The following TNFSF10 variants were observed in gnomAD, a reference collection of about 807,000 sequenced individuals.
The protein encoded by TNFSF10 is tumor necrosis factor ligand superfamily member 10.
TNFSF10 carries 13 observed loss-of-function variants against 29.5 expected under a neutral mutation model. The ratio of observed to expected loss-of-function variants is 0.44; its 90% CI spans 0.29 to 0.70. The LOEUF is 0.70. TNFSF10 is among the 30% of genes least tolerant of loss of function. The probability of loss-of-function intolerance (pLI) is 0.13; values close to 1 mark genes in which losing one functional copy is unlikely to be tolerated. For missense variants in TNFSF10, 345 were observed against 330.9 expected, an observed-to-expected ratio of 1.04 and a Z score of -0.33; for synonymous variants, 111 against 112.8, an observed-to-expected ratio of 0.98 and a Z score of 0.10.
chr3:172,516,787 A>T (rs1713455460), intron 1 of TNFSF10, among the ~76,000 whole-genome samples: 1 of 152,194 alleles, frequency 6.6e-6, no homozygotes, highest in Non-Finnish European at 1.5e-5. Context: ...GGGAGATGCA[A>T]AACCTTTCCA....
Position 172,506,443 on chromosome 3 carries a change from GAA to G in TNFSF10, c.*47_*48del. On this transcript the variant is annotated 3_prime_UTR_variant, in exon 5 of 5. Transcript: ENST00000241261. ...AAACATCTTCATAGTGTATCATCCTGAAAACTGAATAGTCACTTTGAGGTTAT... is the reference window on the plus strand; with the variant it reads ...AAACATCTTCATAGTGTATCATCCTGAACTGAATAGTCACTTTGAGGTTAT... 2 of 1,532,584 alleles carry G rather than the reference GAA, an allele frequency of 1.3e-6. No homozygotes were observed. Among genetic ancestry groups the G allele is most frequent in the Non-Finnish European group, 1.7e-6 (2 of 1,143,212 alleles). 94.9% of individuals were successfully genotyped at this position (1,532,584 alleles called of 1,614,324 possible).
chr3:172,522,278 T>C, intron 1 of TNFSF10: 1 of 696,174 alleles, frequency 1.4e-6, no homozygotes, highest in Non-Finnish European at 2.7e-6. Flanking sequence ...ATGTGAGTTA[T>C]GAATCTGAAC....
rs565833670 is a variant in TNFSF10, at chr3:172,511,790, G to A, written c.271-131C>T. ...GCATTATCAATCTGGGAAGTTTTAA[G>A]TTGGTCAAGCATAGGGTCTGTAAGG... On this transcript the variant is annotated intron_variant, in intron 2 of 4. Coordinates refer to ENST00000241261, the MANE Select transcript of TNFSF10 (RefSeq NM_003810.4). 7 of 715,034 alleles carry A rather than the reference G, an allele frequency of 9.8e-6. No homozygotes were observed. In the African/African-American group the frequency reaches 1.1e-4, roughly 11 times the overall value. The allele number at this position is 715,034 out of a possible 1,614,324, so 44.3% of individuals were successfully genotyped here.
chr3:172,514,973 C>T lies in TNFSF10; in HGVS notation c.158G>A (p.Gly53Asp). Residue 53 changes from glycine to aspartate, a missense_variant, in exon 2 of 5, where the codon GGC becomes GAC. Gly to Asp is a moderately conservative substitution (Grantham distance 94). Transcript: ENST00000241261. ...ATCTTCTTTTAAGAAACAAGCAATG[C>T]CACTTTTGGAGTACTTGTCCTGCAT... ...KQMQDKYSKS[G>D]IACFLKEDDS... 1 of 1,614,072 alleles carries T rather than the reference C, an allele frequency of 6.2e-7. No individual in the cohort carries two copies. Among genetic ancestry groups the T allele is most frequent in the Non-Finnish European group, 8.5e-7 (1 of 1,179,994 alleles).
chr3:172,519,783 C>T (rs1713600889), intron 1 of TNFSF10, among the ~76,000 whole-genome samples: 1 of 152,230 alleles, frequency 6.6e-6, no homozygotes, highest in Non-Finnish European at 1.5e-5. Context: ...AACTACATTT[C>T]CCTAGCAAAT....
chr3:172,509,181 T>C (rs1713118228), intron 4 of TNFSF10, 36 bp downstream of exon 4: 1 of 1,550,482 alleles, frequency 6.4e-7, no homozygotes, highest in South Asian at 1.2e-5. Flanking sequence ...CCTTCCATTA[T>C]TTTCCCTTAA....
rs1300501353 is a variant in TNFSF10, at chr3:172,509,305, A to C, written c.330T>G (p.Ile110Met). The change falls in exon 4 of 5, where the codon ATT (isoleucine) becomes ATG (methionine). Residue 110 changes from isoleucine (I) to methionine (M), a missense_variant. Ile to Met is a conservative substitution (Grantham distance 10). Coordinates refer to ENST00000241261, the MANE Select transcript of TNFSF10 (RefSeq NM_003810.4). ...GACCTCTTTCTCTCACTAGGGGAGA[A>C]ATATTTTGTTGCTTTTCTAAAAGAG... Reference protein sequence around the residue: ...ISTVQEKQQNISPLVRERGPQ... With the variant: ...ISTVQEKQQNMSPLVRERGPQ... The C allele has an allele frequency of 6.2e-7, 1 of 1,613,472 alleles. No individual in the cohort carries two copies. Among genetic ancestry groups the C allele is most frequent in the Non-Finnish European group, 8.5e-7 (1 of 1,179,728 alleles).
intron 1 of TNFSF10, among the ~76,000 whole-genome samples, chr3:172,516,739 C>G (rs1713452977): frequency 1.3e-5 from 2 of 152,122 alleles, no homozygotes; most frequent in South Asian, 4.1e-4. Context: ...CCCTGCCTGC[C>G]CCACCTGTAA....
chr3:172,518,267 C>T (rs1713524850), intron 1 of TNFSF10: 1 of 1,159,196 alleles, frequency 8.6e-7, no homozygotes, highest in Non-Finnish European at 1.1e-6. Context: ...CTCCAGAAGC[C>T]CTTGGTTCTG....
At chr3:172,513,969 G>T (rs1295387497) in intron 2 of TNFSF10, among the ~76,000 whole-genome samples, 1 of 152,026 alleles carries the variant, frequency 6.6e-6, no homozygotes, top group Non-Finnish European at 1.5e-5. Context: ...CTCCCAAGTA[G>T]CTGGGAGTAC....
rs1712989353 is a variant in TNFSF10, at chr3:172,506,533, C to T, written c.805G>A (p.Asp269Asn). The change falls in exon 5 of 5, where the codon GAC (aspartate) becomes AAC (asparagine). Residue 269 changes from aspartate to asparagine, a missense_variant. Physicochemically the swap from Asp to Asn is conservative, Grantham distance 23 (BLOSUM62 1). Coordinates refer to ENST00000241261, the MANE Select transcript of TNFSF10 (RefSeq NM_003810.4). Reference protein sequence around the residue: ...SVTNEHLIDMDHEASFFGAFL... With the variant: ...SVTNEHLIDMNHEASFFGAFL... The stretch of plus-strand genomic sequence containing the variant: ...GCCCCAAAAAAACTGGCTTCATGGT[C>T]CATGTCTATCAAGTGCTCATTTGTT... 6.2e-7 allele frequency: 1 copy of T among 1,613,384 alleles called. No individual in the cohort carries two copies. The highest frequency in any genetic ancestry group is 1.3e-5 in the African/African-American group (1 of 74,868).
At chr3:172,509,178 T>A (rs748757266) in intron 4 of TNFSF10, 39 bp downstream of exon 4, 1 of 1,541,082 alleles carries the variant, frequency 6.5e-7, no homozygotes, top group Non-Finnish European at 8.9e-7. Flanking sequence ...AATCCTTCCA[T>A]TATTTTCCCT....
intron 3 of TNFSF10, among the ~76,000 whole-genome samples, chr3:172,510,941 G>A (rs545052960): frequency 1.7e-3 from 260 of 152,278 alleles, no homozygotes; most frequent in Non-Finnish European, 3.2e-3. Context: ...AAATAACAGA[G>A]TGCAGGGAAT....
At chr3:172,523,168 A>T in intron 1 of TNFSF10, 85 bp downstream of exon 1, 1 of 1,460,728 alleles carries the variant, frequency 6.8e-7, no homozygotes, top group East Asian at 2.4e-5. Context: ...AAGTCTTCAG[A>T]GAGGGGCAAG....
chr3:172,509,047 G>C, intron 4 of TNFSF10, 170 bp downstream of exon 4: 1 of 448,036 alleles, frequency 2.2e-6, no homozygotes, highest in Admixed American at 4.2e-5. Flanking sequence ...TAATTGAGCT[G>C]TTTGTCTGTA....
At chr3:172,517,355 G>T (rs1056549117) in intron 1 of TNFSF10, 1 of 985,280 alleles carries the variant, frequency 1.0e-6, no homozygotes, top group Non-Finnish European at 1.2e-6. Context: ...GAGGTGGAAG[G>T]AACCTGGAAA....
At chr3:172,512,712 C>T (rs1160660951) in intron 2 of TNFSF10, among the ~76,000 whole-genome samples, 1 of 152,172 alleles carries the variant, frequency 6.6e-6, no homozygotes, top group African/African-American at 2.4e-5. Flanking sequence ...CTCTTACTCT[C>T]TTTCTCTTAT....
chr3:172,511,772 C>A, intron 2 of TNFSF10, 113 bp from the exon 3 acceptor site: 4 of 845,636 alleles, frequency 4.7e-6, no homozygotes, highest in Non-Finnish European at 3.6e-6. Flanking sequence ...CATGCATTAT[C>A]AATCTGGGAA....
At chr3:172,521,694 G>T (rs1225810627) in intron 1 of TNFSF10, among the ~76,000 whole-genome samples, 1 of 152,178 alleles carries the variant, frequency 6.6e-6, no homozygotes. Flanking sequence ...CCATTACTGG[G>T]TATATACCCA....
Sources: gnomAD v4.1 joint callset for allele counts (sites outside exome capture counted in the v4.1 genomes callset) on GRCh38, gnomAD v4.1.1 for gene constraint, MANE v1.5 for transcripts, NCBI Gene and HGNC (gene_info 2026-07-23, HGNC 2026-07-21) for gene names.